Variants in ADGRL3 observed in about 807,000 individuals in gnomAD.
ADGRL3 encodes the protein adhesion G protein-coupled receptor L3, also known as calcium-independent alpha-latrotoxin receptor 3.
In ADGRL3, 62 loss-of-function variants were observed where a neutral mutation model predicts 153.5. The observed-to-expected ratio is 0.40, with a 90% CI of 0.33 to 0.50. ADGRL3 has a LOEUF of 0.50. Ranked by LOEUF, ADGRL3 falls within the 20% of genes least tolerant of loss-of-function variation. ADGRL3 has a pLI of 0.47. For synonymous variants in ADGRL3, 710 were observed against 672.5 expected (o/e 1.06, Z -0.86); for missense variants, 1,641 against 1,859.4 (o/e 0.88, Z 2.16).
intron 21 of ADGRL3, among the ~76,000 whole-genome samples, chr4:62,021,792 A>G (rs1560516568): frequency 6.6e-6 from 1 of 152,154 alleles, no homozygotes; most frequent in Non-Finnish European, 1.5e-5. Context: ...AACCTCACCC[A>G]TATAAGACAG....
rs867441025 is a variant in ADGRL3 at position 62,013,410 on chromosome 4, C to T, written c.3395+15145C>T. On this transcript the variant is annotated intron_variant, in intron 21 of 26. Coordinates refer to ENST00000683033, the MANE Select transcript of ADGRL3 (RefSeq NM_001387552.1). ...TACAAAAATTAGCCAGGCATGGTGG[C>T]ACGCACCTGTAATCCCCGCTACTCA... 6.6e-5 allele frequency among the ~76,000 whole-genome samples: 10 copies of T among 152,016 alleles called. No homozygotes were observed. The South Asian group carries it at 1.0e-3, about 16-fold the overall frequency.
intron 1 of ADGRL3, among the ~76,000 whole-genome samples, chr4:61,348,449 A>C (rs1208595711): frequency 2.6e-5 from 4 of 152,008 alleles, no homozygotes; most frequent in Non-Finnish European, 5.9e-5. Flanking sequence ...TTATTATTGC[A>C]AAGCAGAGTT....
intron 1 of ADGRL3, among the ~76,000 whole-genome samples, chr4:61,316,137 G>T (rs1194704308): frequency 6.6e-6 from 1 of 152,146 alleles, no homozygotes; most frequent in Non-Finnish European, 1.5e-5. Flanking sequence ...CAGGTACAGA[G>T]AATGATTTGG....
At chr4:61,422,479 T>C (rs573225516) in intron 2 of ADGRL3, among the ~76,000 whole-genome samples, 1 of 152,120 alleles carries the variant, frequency 6.6e-6, no homozygotes, top group Non-Finnish European at 1.5e-5. Context: ...CACACAGATA[T>C]GGAAAAGTAG....
Position 62,074,035 on chromosome 4 carries a change from T to G in ADGRL3, c.*3127T>G, listed in dbSNP as rs1466587931. The G allele has an allele frequency of 6.6e-6, 1 of 152,184 alleles. No individual in the cohort carries two copies. The highest frequency in any genetic ancestry group is 1.5e-5 in the Non-Finnish European group (1 of 68,016). 9.4% of individuals were successfully genotyped at this position (152,184 alleles called of 1,614,324 possible). ...GGTTGAATTCCTGAACTTGAATCTT[T>G]TTCTTCATATACATTTTCTTATAGA... On this transcript the variant is annotated 3_prime_UTR_variant, in exon 27 of 27. Transcript: ENST00000683033.
At chr4:61,292,841 A>G (rs1275458999) in intron 1 of ADGRL3, among the ~76,000 whole-genome samples, 1 of 152,130 alleles carries the variant, frequency 6.6e-6, no homozygotes, top group Non-Finnish European at 1.5e-5. Flanking sequence ...ACCACTGGGA[A>G]GGCAAATAGA....
At chr4:62,046,466 G>C (rs1582044383) in intron 25 of ADGRL3, among the ~76,000 whole-genome samples, 1 of 151,764 alleles carries the variant, frequency 6.6e-6, no homozygotes, top group Non-Finnish European at 1.5e-5. Context: ...ATAGTGATTT[G>C]TGGATAACTG....
In ADGRL3 at chr4:61,556,168, A is replaced by T. The variant is rs553658776; in HGVS notation, c.260-31059A>T. 2.6e-5 allele frequency among the ~76,000 whole-genome samples: 4 copies of T among 152,298 alleles called. No homozygotes were observed. In the South Asian group the frequency reaches 8.3e-4, roughly 32 times the overall value. ...ATGAAAATATTGTTAAAAATATGCC[A>T]TACCTATATTTTTATGTGCAGTGGA... On this transcript the variant is annotated intron_variant, in intron 4 of 26. Transcript: ENST00000683033.
At chr4:61,831,125 G>A (rs1260537389) in intron 9 of ADGRL3, among the ~76,000 whole-genome samples, 3 of 151,898 alleles carry the variant, frequency 2.0e-5, no homozygotes, top group Non-Finnish European at 4.4e-5. Context: ...CTGACCTCAA[G>A]GGATCCACCC....
At chr4:61,676,997 A>C in intron 6 of ADGRL3, 62 bp downstream of exon 6, 1 of 991,096 alleles carries the variant, frequency 1.0e-6, no homozygotes, top group Non-Finnish European at 1.6e-6. Flanking sequence ...TTTTGCATGC[A>C]TTGACAAATA....
At chr4:61,553,441 A>C (rs916871908) in intron 4 of ADGRL3, among the ~76,000 whole-genome samples, 1 of 152,204 alleles carries the variant, frequency 6.6e-6, no homozygotes, top group African/African-American at 2.4e-5. Flanking sequence ...TAATACAACT[A>C]TTAATTATTC....
chr4:62,061,749 T>G (rs1740308885), intron 25 of ADGRL3, among the ~76,000 whole-genome samples: 1 of 152,096 alleles, frequency 6.6e-6, no homozygotes, highest in African/African-American at 2.4e-5. Context: ...TTATTCAGTA[T>G]AATTCTCTAA....
At chr4:61,823,795 C>T (rs115703045) in intron 9 of ADGRL3, among the ~76,000 whole-genome samples, 2,870 of 152,264 alleles carry the variant, frequency 0.019, 44 homozygotes, top group Middle Eastern at 0.034. Context: ...GGCATGGTGG[C>T]TAACGCCTGT....
At chr4:61,582,836 G>A (rs1233994536) in intron 4 of ADGRL3, among the ~76,000 whole-genome samples, 2 of 151,878 alleles carry the variant, frequency 1.3e-5, no homozygotes, top group Non-Finnish European at 2.9e-5. Flanking sequence ...CCATGACTAA[G>A]GAGCACCTTC....
In ADGRL3 at chr4:61,411,294, A is replaced by G. The variant is rs552659964; in HGVS notation, c.-174+28105A>G. ...TGTTTTATGACATTGATATTTATGA[A>G]GAATATAGGACAGTTATTTCACTGA... On this transcript the variant is annotated intron_variant, in intron 2 of 26. Transcript: ENST00000683033. Among the ~76,000 whole-genome samples, 7 of 152,266 alleles carry G rather than the reference A, an allele frequency of 4.6e-5. No homozygotes were observed. The South Asian group carries it at 1.2e-3, about 27-fold the overall frequency.
At chr4:61,654,620 T>C (rs1332058715) in intron 5 of ADGRL3, among the ~76,000 whole-genome samples, 3 of 152,038 alleles carry the variant, frequency 2.0e-5, no homozygotes, top group Non-Finnish European at 4.4e-5. Context: ...GAAACTAGGC[T>C]GGGTGTGGTG....
intron 2 of ADGRL3, among the ~76,000 whole-genome samples, chr4:61,384,780 A>G (rs1374435974): frequency 6.6e-6 from 1 of 152,020 alleles, no homozygotes; most frequent in African/African-American, 2.4e-5. Flanking sequence ...TCATGTTACA[A>G]CAAGGGTGAA....
At chr4:61,713,057 G>T (rs1039897335) in intron 6 of ADGRL3, among the ~76,000 whole-genome samples, 8 of 152,188 alleles carry the variant, frequency 5.3e-5, no homozygotes, top group African/African-American at 1.9e-4. Context: ...AAAAGTAATT[G>T]CATAAATATG....
chr4:61,661,275 C>T (rs570498133), intron 5 of ADGRL3, among the ~76,000 whole-genome samples: 62 of 152,028 alleles, frequency 4.1e-4, no homozygotes, highest in African/African-American at 1.4e-3. Context: ...TTTTAATATG[C>T]ATACAATCTG....
Sources: gnomAD v4.1 joint callset for allele counts (sites outside exome capture counted in the v4.1 genomes callset) on GRCh38, gnomAD v4.1.1 for gene constraint, MANE v1.5 for transcripts, NCBI Gene and HGNC (gene_info 2026-07-23, HGNC 2026-07-21) for gene names.